The following CEP70 variants were observed in gnomAD, a reference collection of about 807,000 sequenced individuals.
CEP70 encodes centrosomal protein of 70 kDa.
Under a neutral mutation model 90.9 loss-of-function variants are expected in CEP70, and 70 were observed. The observed-to-expected ratio is 0.77, with a 90% confidence interval of 0.64 to 0.94. The LOEUF (loss-of-function observed/expected upper bound fraction) is 0.94. Among genes scored for constraint, CEP70 ranks in the 40% least tolerant of loss-of-function variants. CEP70 has a pLI of 0.00. For synonymous variants in CEP70, 220 were observed against 228.3 expected, an observed-to-expected ratio of 0.96 and a Z score of 0.33; for missense variants, 648 against 669.0, an observed-to-expected ratio of 0.97 and a Z score of 0.35.
chr3:138,559,703 C>G (rs1475679278), intron 6 of CEP70, among the ~76,000 whole-genome samples: 1 of 152,132 alleles, frequency 6.6e-6, no homozygotes, highest in African/African-American at 2.4e-5. Flanking sequence ...CTAGCCTGGG[C>G]AACAGAGCAA....
chr3:138,522,947 C>T (rs2036819309), intron 11 of CEP70, among the ~76,000 whole-genome samples: 1 of 152,142 alleles, frequency 6.6e-6, no homozygotes, highest in African/African-American at 2.4e-5. Context: ...ACCAATATCC[C>T]TGATGAACAT....
intron 14 of CEP70, 21 bp from the exon 15 acceptor site, chr3:138,500,588 A>C (rs765428419): frequency 6.4e-7 from 1 of 1,566,442 alleles, no homozygotes; most frequent in Non-Finnish European, 8.6e-7. Flanking sequence ...AAGAGGTAAA[A>C]AAGAAAGAGT....
intron 1 of CEP70, among the ~76,000 whole-genome samples, chr3:138,592,710 G>A (rs887271683): frequency 6.6e-6 from 1 of 151,404 alleles, no homozygotes; most frequent in Non-Finnish European, 1.5e-5. Flanking sequence ...GAAGCCCCTT[G>A]TAACATGCTC....
intron 10 of CEP70, among the ~76,000 whole-genome samples, chr3:138,526,027 T>A (rs997694680): frequency 6.6e-6 from 1 of 152,188 alleles, no homozygotes; most frequent in Non-Finnish European, 1.5e-5. Flanking sequence ...CCCATGTATG[T>A]TTTTAAATTT....
chr3:138,575,911 T>C (rs1052988061), intron 2 of CEP70, among the ~76,000 whole-genome samples: 1 of 152,192 alleles, frequency 6.6e-6, no homozygotes, highest in African/African-American at 2.4e-5. Context: ...AAAGAGATTG[T>C]GTCACCACCA....
At chr3:138,562,840 A>G (rs921213255) in intron 6 of CEP70, among the ~76,000 whole-genome samples, 1 of 152,190 alleles carries the variant, frequency 6.6e-6, no homozygotes, top group African/African-American at 2.4e-5. Context: ...TACAGGATCA[A>G]ATTCACACAT....
intron 17 of CEP70, chr3:138,496,286 A>T (rs1398093910): frequency 2.0e-6 from 2 of 985,416 alleles, no homozygotes; most frequent in Non-Finnish European, 2.4e-6. Flanking sequence ...GCCTACACAC[A>T]TAGCCCATGC....
rs2042543964 is a variant in CEP70 at position 138,594,187 on chromosome 3, G to A, written c.-109+11C>T. The A allele has an allele frequency of 6.6e-6, 1 of 152,472 alleles. No homozygotes were observed. The highest frequency in any genetic ancestry group is 2.4e-5 in the African/African-American group (1 of 41,462). The allele number at this position is 152,472 out of a possible 1,614,324, so 9.4% of individuals were successfully genotyped here. On this transcript the variant is annotated intron_variant, in intron 1 of 17. Coordinates refer to ENST00000264982, the MANE Select transcript of CEP70 (RefSeq NM_024491.4). ...ACGCCGACGCCTCTGAGAGCCCCGA[G>A]AGCCACTCACCTTACTCAGTCGCCG...
intron 10 of CEP70, among the ~76,000 whole-genome samples, chr3:138,528,198 C>A (rs550931615): frequency 6.6e-6 from 1 of 151,964 alleles, no homozygotes; most frequent in South Asian, 2.1e-4. Context: ...CCACAGACCA[C>A]CACACCCAGC....
At chr3:138,578,888 C>CA (rs1560453699) in intron 2 of CEP70, among the ~76,000 whole-genome samples, 1 of 152,124 alleles carries the variant, frequency 6.6e-6, no homozygotes, top group Admixed American at 6.5e-5. Flanking sequence ...ACTATCTTTA[C>CA]AAAAAAGCAC....
chr3:138,552,347 T>G (rs2039682795), intron 6 of CEP70, among the ~76,000 whole-genome samples: 1 of 152,164 alleles, frequency 6.6e-6, no homozygotes, highest in South Asian at 2.1e-4. Context: ...TTACAACACA[T>G]TCTACCCAAC....
chr3:138,583,475 C>T (rs1344574905), intron 2 of CEP70, among the ~76,000 whole-genome samples: 3 of 152,184 alleles, frequency 2.0e-5, no homozygotes, highest in Non-Finnish European at 2.9e-5. Flanking sequence ...TATTTACAGA[C>T]GTTTCATCCA....
intron 17 of CEP70, 87 bp from the exon 18 acceptor site, chr3:138,495,163 A>G: frequency 1.4e-6 from 1 of 731,898 alleles, no homozygotes; most frequent in Middle Eastern, 2.4e-4. Flanking sequence ...TGCAAAGGCA[A>G]ACCCCAAACA....
chr3:138,527,344 T>A (rs190306353), intron 10 of CEP70, among the ~76,000 whole-genome samples: 10 of 151,180 alleles, frequency 6.6e-5, no homozygotes, highest in African/African-American at 9.7e-5. Context: ...TTTTTTTTTT[T>A]AATATGGAAC....
At chr3:138,575,783 T>A (rs567050826) in intron 2 of CEP70, among the ~76,000 whole-genome samples, 2 of 151,934 alleles carry the variant, frequency 1.3e-5, no homozygotes, top group East Asian at 1.9e-4. Context: ...CAGAAGAGAG[T>A]GGGGGCCAAT....
chr3:138,557,891 A>G (rs2040135079), intron 6 of CEP70, among the ~76,000 whole-genome samples: 1 of 152,240 alleles, frequency 6.6e-6, no homozygotes, highest in Non-Finnish European at 1.5e-5. Context: ...AGACAATTTT[A>G]AAACTATGCT....
At chr3:138,522,552 A>T (rs946743723) in intron 11 of CEP70, among the ~76,000 whole-genome samples, 5 of 152,188 alleles carry the variant, frequency 3.3e-5, no homozygotes, top group Admixed American at 3.3e-4. Flanking sequence ...ATCACCACAG[A>T]TCCCACAGAA....
At chr3:138,545,465 T>C (rs1053751522) in intron 6 of CEP70, among the ~76,000 whole-genome samples, 5 of 152,162 alleles carry the variant, frequency 3.3e-5, no homozygotes, top group Admixed American at 1.3e-4. Flanking sequence ...AGGACCACTA[T>C]TGTACAAATT....
intron 6 of CEP70, among the ~76,000 whole-genome samples, chr3:138,568,965 CAG>C (rs1223591508): frequency 6.6e-6 from 1 of 150,722 alleles, no homozygotes; most frequent in Non-Finnish European, 1.5e-5. Context: ...GCCTGGGAAA[CAG>C]AGTGAGACTC....
Sources: gnomAD v4.1 joint callset for allele counts (sites outside exome capture counted in the v4.1 genomes callset) on GRCh38, gnomAD v4.1.1 for gene constraint, MANE v1.5 for transcripts, NCBI Gene and HGNC (gene_info 2026-07-23, HGNC 2026-07-21) for gene names.